The following SP140 variants were observed in gnomAD, a reference collection of about 807,000 sequenced individuals.
The protein encoded by SP140 is SP140 nuclear body protein.
Under a neutral mutation model 125.0 loss-of-function variants are expected in SP140, and 81 were observed. The observed-to-expected ratio is 0.65, with a 90% CI of 0.54 to 0.78. The LOEUF is 0.78. Ranked by LOEUF, SP140 falls within the 30% of genes least tolerant of loss-of-function variation. SP140 has a pLI of 0.00. For missense variants in SP140, 858 were observed against 1,037.0 expected, an observed-to-expected ratio of 0.83 and a Z score of 2.37; for synonymous variants, 312 against 354.0, an observed-to-expected ratio of 0.88 and a Z score of 1.33.
At position 230,307,990 on chromosome 2, in the gene SP140, T is replaced by TATATATAC. The variant is rs869070046; in HGVS notation, c.2059-1933_2059-1932insTATATACA. ...ATATATATATATATATATATATATA[T>TATATATAC]ACACACACACACACACACACACACA... On this transcript the variant is annotated intron_variant, in intron 22 of 26. Transcript: ENST00000392045. 3.8e-3 allele frequency among the ~76,000 whole-genome samples: 199 copies of TATATATAC among 52,582 alleles called. 1 individual carries two copies. The highest frequency in any genetic ancestry group is 5.6e-3 in the Non-Finnish European group (151 of 27,076). 34.5% of individuals were successfully genotyped at this position (52,582 alleles called of 152,430 possible).
At chr2:230,221,645 A>G (rs2045830045), upstream of SP140, 1 of 1,463,330 alleles carries the variant, frequency 6.8e-7, no homozygotes, top group Admixed American at 2.0e-5. Context: ...GCTGTGATGC[A>G]GGGGATGGCG....
rs56817002 is a variant in SP140 at position 230,206,595 on chromosome 2, TTATATATATATATATATATATA to T, written c.-323+3338_-323+3359del. 1.1e-3 allele frequency among the ~76,000 whole-genome samples: 75 copies of T among 70,502 alleles called. 3 individuals carry two copies. The East Asian group carries it at 0.02, about 19-fold the overall frequency. 46.3% of individuals were successfully genotyped at this position (70,502 alleles called of 152,430 possible). A position where few individuals can be genotyped will look rare whatever the true frequency, so the allele number is the denominator to read the frequency against. On this transcript the variant is annotated intron_variant, in intron 1 of 4. Coordinates refer to the SP140 transcript ENST00000456542. ...TATTATATATTATCTGGTCCAGATT[TTATATATATATATATATATATA>T]TATATATATATATATATATATGGAC...
At chr2:230,306,958 T>C (rs2058820501) in intron 22 of SP140, among the ~76,000 whole-genome samples, 2 of 152,196 alleles carry the variant, frequency 1.3e-5, no homozygotes, top group African/African-American at 4.8e-5. Context: ...GAGTGGGAAC[T>C]TGTAATGCCT....
chr2:230,308,140 G>A (rs756294128), intron 22 of SP140, among the ~76,000 whole-genome samples: 76 of 151,564 alleles, frequency 5.0e-4, no homozygotes, highest in Non-Finnish European at 1.0e-3. Context: ...ACTCAGGAAT[G>A]GAAAACCAAA....
intron 22 of SP140, among the ~76,000 whole-genome samples, chr2:230,298,915 C>T (rs1278841553): frequency 6.6e-6 from 1 of 152,218 alleles, no homozygotes; most frequent in African/African-American, 2.4e-5. Context: ...TGTGCCTCAA[C>T]CCTGACCCAG....
intron 4 of SP140, among the ~76,000 whole-genome samples, chr2:230,242,022 A>T (rs1039689556): frequency 2.0e-5 from 3 of 152,240 alleles, no homozygotes; most frequent in African/African-American, 7.2e-5. Context: ...AGGGAGACAA[A>T]ACTGAAATAG....
intron 23 of SP140, chr2:230,310,476 C>A: frequency 1.3e-6 from 1 of 744,512 alleles, no homozygotes; most frequent in Non-Finnish European, 2.1e-6. Context: ...GTTCCCTGTG[C>A]TCCCAGCAGC....
chr2:230,253,092 T>C lies in SP140; in HGVS notation c.1058-224T>C, dbSNP rs188802910. On this transcript the variant is annotated intron_variant, in intron 10 of 26. Transcript: ENST00000392045. ...AGAAACAGGAGGCAGGAGAGGCCAG[T>C]TGGAGAGAAGATCAGACAATCCAAG... Among the ~76,000 whole-genome samples, 35 of 151,950 alleles carry C rather than the reference T, an allele frequency of 2.3e-4. No homozygotes were observed. In the South Asian group the frequency reaches 4.8e-3, roughly 21 times the overall value.
At chr2:230,189,157 T>A in the SP140 span, among the ~76,000 whole-genome samples, 6 of 152,172 alleles carry the variant, frequency 3.9e-5, no homozygotes, top group Non-Finnish European at 8.8e-5. Flanking sequence ...AAGAACCAGC[T>A]TTTTGTTTAA....
intron 1 of SP140, among the ~76,000 whole-genome samples, chr2:230,207,014 C>T (rs2043938889): frequency 6.6e-6 from 1 of 152,100 alleles, no homozygotes; most frequent in Non-Finnish European, 1.5e-5. Flanking sequence ...AACTTGGAGA[C>T]ATCTTTAGGT....
chr2:230,308,582 T>G (rs1265149472), intron 22 of SP140, among the ~76,000 whole-genome samples: 1 of 152,242 alleles, frequency 6.6e-6, no homozygotes, highest in East Asian at 1.9e-4. Flanking sequence ...CAGGGCCACA[T>G]GGGGGCTGCG....
intron 15 of SP140, among the ~76,000 whole-genome samples, chr2:230,273,885 G>A (rs562787961): frequency 6.6e-5 from 10 of 152,288 alleles, no homozygotes; most frequent in South Asian, 2.1e-4. Context: ...CTTATAAGTG[G>A]TAACGAAATG....
intron 1 of SP140, among the ~76,000 whole-genome samples, chr2:230,204,830 T>C (rs1344641983): frequency 6.6e-6 from 1 of 152,164 alleles, no homozygotes; most frequent in Non-Finnish European, 1.5e-5. Flanking sequence ...GAAAAGGAGA[T>C]AACTAAACAT....
intron 22 of SP140, among the ~76,000 whole-genome samples, chr2:230,301,361 G>T (rs563102744): frequency 1.6e-4 from 24 of 152,294 alleles, no homozygotes; most frequent in African/African-American, 5.8e-4. Flanking sequence ...AAGTTAAGAT[G>T]AAGGAAAGAA....
chr2:230,265,085 G>T (rs1276210282), intron 12 of SP140, among the ~76,000 whole-genome samples: 1 of 152,016 alleles, frequency 6.6e-6, no homozygotes, highest in African/African-American at 2.4e-5. Flanking sequence ...GAGCCGTCAG[G>T]TGGGGGAGGG....
intron 3 of SP140, chr2:230,238,890 A>C: frequency 6.4e-7 from 1 of 1,551,318 alleles, no homozygotes; most frequent in East Asian, 2.4e-5. Flanking sequence ...TGAAGACAGA[A>C]AAGGGGGTTG....
chr2:230,249,855 C>T (rs1034915159), intron 9 of SP140, among the ~76,000 whole-genome samples: 1 of 152,158 alleles, frequency 6.6e-6, no homozygotes, highest in African/African-American at 2.4e-5. Context: ...GTGAGTTTTC[C>T]AATCCAGGCC....
rs1354763103 is a variant in SP140, at chr2:230,310,446, A to T, written c.2175-297A>T. The T allele has an allele frequency of 5.4e-5, 33 of 607,708 alleles. No individual in the cohort carries two copies. In the Admixed American group the frequency reaches 9.7e-4, roughly 18 times the overall value. 37.6% of individuals were successfully genotyped at this position (607,708 alleles called of 1,614,324 possible). On this transcript the variant is annotated intron_variant, in intron 23 of 26. Coordinates refer to ENST00000392045, the MANE Select transcript of SP140 (RefSeq NM_007237.5). ...TGGGGCTGAAAACCCAGTTTCTGAA[A>T]CTCAGGCCTGACAGACAGGGTTCCC...
At chr2:230,274,178 G>A (rs561780182) in intron 15 of SP140, among the ~76,000 whole-genome samples, 1 of 152,006 alleles carries the variant, frequency 6.6e-6, no homozygotes, top group African/African-American at 2.4e-5. Flanking sequence ...ATGTCTAATG[G>A]AGGAAATCAG....
Sources: gnomAD v4.1 joint callset for allele counts (sites outside exome capture counted in the v4.1 genomes callset) on GRCh38, gnomAD v4.1.1 for gene constraint, MANE v1.5 for transcripts, NCBI Gene and HGNC (gene_info 2026-07-23, HGNC 2026-07-21) for gene names.